Variants in CORO1C observed in about 807,000 individuals in gnomAD.
The protein encoded by CORO1C is coronin-1C.
A neutral mutation model predicts 51.2 loss-of-function variants in CORO1C; 14 were observed. The ratio of observed to expected loss-of-function variants is 0.27; its 90% confidence interval spans 0.18 to 0.43. The LOEUF is 0.43. CORO1C is among the 20% of genes least tolerant of loss of function. The pLI is 1.00. For synonymous variants in CORO1C, 181 were observed against 210.5 expected, an observed-to-expected ratio of 0.86 and a Z score of 1.21; for missense variants, 417 against 607.8, an observed-to-expected ratio of 0.69 and a Z score of 3.30.
intron 1 of CORO1C, among the ~76,000 whole-genome samples, chr12:108,715,941 G>T (rs960865494): frequency 1.3e-4 from 19 of 151,566 alleles, no homozygotes; most frequent in African/African-American, 4.4e-4. Context: ...GACCATCCTG[G>T]CTAACACGGT....
intron 2 of CORO1C, among the ~76,000 whole-genome samples, chr12:108,697,110 C>T (rs902445051): frequency 3.9e-5 from 6 of 152,192 alleles, no homozygotes; most frequent in South Asian, 2.1e-4. Flanking sequence ...CAGAATCTAA[C>T]CACAAGCCTC....
chr12:108,692,167 C>G (rs1327618840), intron 2 of CORO1C, among the ~76,000 whole-genome samples: 1 of 152,152 alleles, frequency 6.6e-6, no homozygotes, highest in Non-Finnish European at 1.5e-5. Flanking sequence ...CATCCTCCAC[C>G]CCTCCCAGTC....
chr12:108,669,320 T>G (rs1056967355), intron 3 of CORO1C, among the ~76,000 whole-genome samples: 1 of 152,216 alleles, frequency 6.6e-6, no homozygotes. Flanking sequence ...GATAAACTGG[T>G]TCTACTGTAT....
intron 8 of CORO1C, 92 bp downstream of exon 8, chr12:108,652,180 T>C: frequency 8.2e-7 from 1 of 1,217,596 alleles, no homozygotes; most frequent in Admixed American, 2.1e-5. Flanking sequence ...TGGTCAGATA[T>C]TTTTGAGATC....
chr12:108,656,581 T>TG (rs1198036371), intron 6 of CORO1C, among the ~76,000 whole-genome samples: 1 of 152,184 alleles, frequency 6.6e-6, no homozygotes, highest in Non-Finnish European at 1.5e-5. Flanking sequence ...CGGGCCATGA[T>TG]GACGATGGCG....
chr12:108,655,625 G>A (rs774294282), intron 6 of CORO1C, among the ~76,000 whole-genome samples: 58 of 152,354 alleles, frequency 3.8e-4, no homozygotes, highest in South Asian at 8.3e-4. Flanking sequence ...CGAGTAATCC[G>A]CCAGCCTCGG....
intron 1 of CORO1C, among the ~76,000 whole-genome samples, chr12:108,708,306 A>C (rs959799255): frequency 2.6e-5 from 4 of 152,190 alleles, no homozygotes; most frequent in Non-Finnish European, 5.9e-5. Flanking sequence ...TCAGCAATAA[A>C]AAGGAATGAA....
intron 2 of CORO1C, among the ~76,000 whole-genome samples, chr12:108,678,769 T>C (rs1370417564): frequency 2.2e-5 from 3 of 133,386 alleles, no homozygotes; most frequent in Non-Finnish European, 3.3e-5. Context: ...AAAATGTTAA[T>C]ACAATAAGAC....
chr12:108,647,320 C>T lies in CORO1C; in HGVS notation c.*83G>A. 1 of 1,328,826 alleles carries T rather than the reference C, an allele frequency of 7.5e-7. No individual in the cohort carries two copies. Among genetic ancestry groups the T allele is most frequent in the Non-Finnish European group, 1.0e-6 (1 of 989,290 alleles). 82.3% of individuals were successfully genotyped at this position (1,328,826 alleles called of 1,614,324 possible). A position where few individuals can be genotyped will look rare whatever the true frequency, so the allele number is the denominator to read the frequency against. ...CCAAATGGCAGTGCCTCCCTTTCCGCCCTCCCTAGGACCACACCAATAACC... is the reference window on the plus strand; with the variant it reads ...CCAAATGGCAGTGCCTCCCTTTCCGTCCTCCCTAGGACCACACCAATAACC... On this transcript the variant is annotated 3_prime_UTR_variant, in exon 11 of 11. Coordinates refer to ENST00000261401, the MANE Select transcript of CORO1C (RefSeq NM_014325.4).
chr12:108,714,061 C>T (rs984656710), intron 1 of CORO1C, among the ~76,000 whole-genome samples: 4 of 152,164 alleles, frequency 2.6e-5, no homozygotes, highest in Non-Finnish European at 2.9e-5. Context: ...AAATCCTTAG[C>T]TTAGCCAGAG....
chr12:108,654,188 T>A (rs547713990), intron 7 of CORO1C, 118 bp downstream of exon 7: 343 of 704,450 alleles, frequency 4.9e-4, no homozygotes, highest in Non-Finnish European at 6.9e-4. Context: ...GCTTATAACA[T>A]ACACACACAA....
chr12:108,648,062 C>A (rs1223918569), intron 10 of CORO1C, among the ~76,000 whole-genome samples: 1 of 152,144 alleles, frequency 6.6e-6, no homozygotes, highest in Non-Finnish European at 1.5e-5. Context: ...CGCAGCGAGT[C>A]AAAGGCAGGC....
intron 1 of CORO1C, among the ~76,000 whole-genome samples, chr12:108,720,563 G>A (rs1046675461): frequency 6.6e-6 from 1 of 150,552 alleles, no homozygotes; most frequent in African/African-American, 2.4e-5. Flanking sequence ...TCTCTTTGTT[G>A]CCCAGGCTGG....
chr12:108,656,725 G>A (rs1442858798), intron 6 of CORO1C, among the ~76,000 whole-genome samples: 2 of 152,204 alleles, frequency 1.3e-5, no homozygotes, highest in African/African-American at 4.8e-5. Context: ...TCTGCCTTGG[G>A]ATGTTGTTGA....
chr12:108,692,820 C>CA (rs1415275007), intron 2 of CORO1C, among the ~76,000 whole-genome samples: 9 of 98,802 alleles, frequency 9.1e-5, no homozygotes, highest in African/African-American at 3.7e-4. Context: ...TTTTTTGAGA[C>CA]AGAGTCTTGC....
chr12:108,694,224 G>A (rs988280106), intron 2 of CORO1C, among the ~76,000 whole-genome samples: 1 of 141,622 alleles, frequency 7.1e-6, no homozygotes. Flanking sequence ...GGAGGCTGCA[G>A]TGAGTCAAGA....
intron 1 of CORO1C, among the ~76,000 whole-genome samples, chr12:108,708,327 A>G (rs2035084667): frequency 6.6e-6 from 1 of 152,234 alleles, no homozygotes; most frequent in African/African-American, 2.4e-5. Flanking sequence ...GTACTAATAC[A>G]TGCTACAACT....
intron 3 of CORO1C, among the ~76,000 whole-genome samples, chr12:108,666,784 C>T (rs1294847716): frequency 1.3e-5 from 2 of 152,136 alleles, no homozygotes; most frequent in Non-Finnish European, 2.9e-5. Context: ...CTGGGGACAG[C>T]TGTGCTTACT....
chr12:108,726,591 C>T (rs1307989423), intron 1 of CORO1C, among the ~76,000 whole-genome samples: 2 of 151,284 alleles, frequency 1.3e-5, no homozygotes, highest in Non-Finnish European at 2.9e-5. Flanking sequence ...AGGAGACTTG[C>T]TTGAGCCCAG....
Sources: allele counts gnomAD v4.1 joint callset (sites outside exome capture counted in the v4.1 genomes callset), GRCh38; gene constraint gnomAD v4.1.1; transcripts MANE v1.5; gene names NCBI Gene and HGNC (gene_info 2026-07-23, HGNC 2026-07-21).